The following NEGR1 variants were observed in gnomAD, a reference collection of about 807,000 sequenced individuals.
The protein encoded by NEGR1 is IgLON family member 4.
Under a neutral mutation model 40.9 loss-of-function variants are expected in NEGR1, and 10 were observed. That is an observed-to-expected ratio of 0.24 (90% CI 0.15 to 0.42). The LOEUF (loss-of-function observed/expected upper bound fraction) is 0.42. Among genes scored for constraint, NEGR1 ranks in the 10% least tolerant of loss-of-function variants. NEGR1 has a pLI of 1.00. For missense variants in NEGR1, 352 were observed against 438.9 expected, an observed-to-expected ratio of 0.80 and a Z score of 1.77; for synonymous variants, 185 against 166.8, an observed-to-expected ratio of 1.11 and a Z score of -0.84.
intron 6 of NEGR1, among the ~76,000 whole-genome samples, chr1:71,523,477 G>C (rs1289167822): frequency 6.6e-6 from 1 of 151,886 alleles, no homozygotes; most frequent in Admixed American, 6.6e-5. Context: ...TGAAATATGA[G>C]TATGAATATT....
At chr1:72,174,328 T>C (rs77642742) in intron 1 of NEGR1, among the ~76,000 whole-genome samples, 2,235 of 152,292 alleles carry the variant, frequency 0.015, 48 homozygotes, top group African/African-American at 0.05. Context: ...TGAACCTACA[T>C]TGACCTACGG....
chr1:71,984,353 C>T (rs1247630267), intron 1 of NEGR1, among the ~76,000 whole-genome samples: 3 of 152,026 alleles, frequency 2.0e-5, no homozygotes, highest in African/African-American at 7.2e-5. Flanking sequence ...GTCTCGAACT[C>T]CTGGTATCAA....
chr1:71,611,148 T>C lies in NEGR1; in HGVS notation c.668-2A>G. ...TAATTTCCTGAATAGTAGGAGCAAC[T>C]GCAAAAGAAACAAACAAACAAATAC... On this transcript the variant is annotated splice_acceptor_variant, in intron 4 of 6. Coordinates refer to ENST00000357731, the MANE Select transcript of NEGR1 (RefSeq NM_173808.3). LOFTEE classifies it high-confidence loss of function. 1 of 1,613,034 alleles carries C rather than the reference T, an allele frequency of 6.2e-7. No homozygotes were observed. Among genetic ancestry groups the C allele is most frequent in the Non-Finnish European group, 8.5e-7 (1 of 1,179,400 alleles).
chr1:71,586,095 G>T (rs1445122919), intron 6 of NEGR1, among the ~76,000 whole-genome samples: 1 of 152,026 alleles, frequency 6.6e-6, no homozygotes, highest in Non-Finnish European at 1.5e-5. Flanking sequence ...AATCCTTCAT[G>T]AAGGATTATA....
At chr1:71,797,587 T>C (rs1482262945) in intron 2 of NEGR1, among the ~76,000 whole-genome samples, 2 of 152,296 alleles carry the variant, frequency 1.3e-5, no homozygotes, top group East Asian at 3.9e-4. Context: ...AGATAATAAA[T>C]GTACAGAAAT....
At chr1:71,846,003 A>T (rs1265389117) in intron 2 of NEGR1, among the ~76,000 whole-genome samples, 4 of 140,446 alleles carry the variant, frequency 2.8e-5, no homozygotes, top group Admixed American at 7.6e-5. Context: ...GGCTTAAGCT[A>T]TTCTCCCACC....
intron 1 of NEGR1, among the ~76,000 whole-genome samples, chr1:72,040,387 A>G (rs548213526): frequency 4.5e-4 from 69 of 151,854 alleles, no homozygotes; most frequent in Non-Finnish European, 9.3e-4. Context: ...ATTATTCCCT[A>G]TGAGGACTGC....
chr1:72,261,313 A>G (rs928681879), intron 1 of NEGR1, among the ~76,000 whole-genome samples: 3 of 152,140 alleles, frequency 2.0e-5, no homozygotes, highest in African/African-American at 4.8e-5. Context: ...TGTATTATAA[A>G]TATTTTCAAT....
chr1:71,928,194 A>G (rs1419090578), intron 2 of NEGR1, among the ~76,000 whole-genome samples: 1 of 69,598 alleles, frequency 1.4e-5, no homozygotes, highest in Non-Finnish European at 2.7e-5. Flanking sequence ...ATATGTATAT[A>G]CGTATATATG....
chr1:72,063,620 A>T (rs913922934), intron 1 of NEGR1, among the ~76,000 whole-genome samples: 5 of 151,924 alleles, frequency 3.3e-5, no homozygotes, highest in Admixed American at 2.0e-4. Flanking sequence ...AGTCACTTTT[A>T]TTTCCAGTAC....
At chr1:71,840,660 G>A (rs1301721279) in intron 2 of NEGR1, among the ~76,000 whole-genome samples, 1 of 152,072 alleles carries the variant, frequency 6.6e-6, no homozygotes, top group African/African-American at 2.4e-5. Context: ...ATGAACATCT[G>A]GGAAACTTGG....
chr1:71,944,521 T>C (rs1179955792), intron 1 of NEGR1, among the ~76,000 whole-genome samples: 1 of 152,138 alleles, frequency 6.6e-6, no homozygotes, highest in Non-Finnish European at 1.5e-5. Flanking sequence ...TTGAAGTCAT[T>C]AAAAGTATTC....
At chr1:72,070,073 C>T (rs1262511936) in intron 1 of NEGR1, among the ~76,000 whole-genome samples, 7 of 151,924 alleles carry the variant, frequency 4.6e-5, no homozygotes, top group Admixed American at 4.6e-4. Context: ...ATGTTACAGA[C>T]ATACATTTAA....
At chr1:71,645,879 C>T (rs931174729) in intron 4 of NEGR1, among the ~76,000 whole-genome samples, 3 of 151,714 alleles carry the variant, frequency 2.0e-5, no homozygotes, top group African/African-American at 7.3e-5. Flanking sequence ...TTAATCACTG[C>T]TTGGCTGCCT....
At chr1:71,859,005 T>C (rs539263202) in intron 2 of NEGR1, among the ~76,000 whole-genome samples, 1 of 152,176 alleles carries the variant, frequency 6.6e-6, no homozygotes, top group South Asian at 2.1e-4. Context: ...TTGTTCCCCA[T>C]TGGTGTGTTA....
chr1:71,692,548 T>C (rs747409616), intron 4 of NEGR1, among the ~76,000 whole-genome samples: 1 of 151,620 alleles, frequency 6.6e-6, no homozygotes, highest in African/African-American at 2.4e-5. Flanking sequence ...TAGTCTTAAG[T>C]TTGACATATT....
intron 2 of NEGR1, among the ~76,000 whole-genome samples, chr1:71,778,878 T>C (rs1054706431): frequency 2.6e-5 from 4 of 152,212 alleles, no homozygotes; most frequent in African/African-American, 9.6e-5. Flanking sequence ...TATTCAGCAC[T>C]AGTATTTGGC....
intron 3 of NEGR1, among the ~76,000 whole-genome samples, chr1:71,747,238 T>A (rs2101683175): frequency 6.6e-6 from 1 of 152,094 alleles, no homozygotes; most frequent in African/African-American, 2.4e-5. Context: ...AAAAAAAGGA[T>A]GAAGTATTTC....
chr1:71,896,015 G>A (rs1660962032), intron 2 of NEGR1, among the ~76,000 whole-genome samples: 1 of 146,920 alleles, frequency 6.8e-6, no homozygotes, highest in African/African-American at 2.5e-5. Context: ...CAACTTTTAA[G>A]TCTCGATGAT....
Sources: allele counts gnomAD v4.1 joint callset (sites outside exome capture counted in the v4.1 genomes callset), GRCh38; gene constraint gnomAD v4.1.1; transcripts MANE v1.5; gene names NCBI Gene and HGNC (gene_info 2026-07-23, HGNC 2026-07-21).